CTNND1: variants seen among roughly 807,000 people sequenced by gnomAD.
CTNND1 encodes catenin delta-1.
Under a neutral mutation model 112.1 loss-of-function variants are expected in CTNND1, and 16 were observed. The observed-to-expected ratio is 0.14, with a 90% CI of 0.10 to 0.22. CTNND1 has a LOEUF of 0.22. Among genes scored for constraint, CTNND1 ranks in the 10% least tolerant of loss-of-function variants. The pLI is 1.00. For synonymous variants in CTNND1, 420 were observed against 446.5 expected (o/e 0.94, Z 0.75); for missense variants, 1,008 against 1,257.0 (o/e 0.80, Z 3.00).
chr11:57,766,413 G>A (rs1050932905), intron 1 of CTNND1, among the ~76,000 whole-genome samples: 3 of 152,216 alleles, frequency 2.0e-5, no homozygotes, highest in Non-Finnish European at 2.9e-5. Context: ...GTATTGGGAA[G>A]CTTATGAGTT....
At position 57,785,277 on chromosome 11, in the gene CTNND1, A is replaced by G. The variant is rs77276750; in HGVS notation, c.-213-3760A>G. 5.4e-3 allele frequency among the ~76,000 whole-genome samples: 821 copies of G among 152,248 alleles called. 10 individuals carry two copies. The highest frequency in any genetic ancestry group is 0.019 in the African/African-American group (786 of 41,552). On this transcript the variant is annotated intron_variant, in intron 1 of 20. Coordinates refer to ENST00000399050, the MANE Select transcript of CTNND1 (RefSeq NM_001085458.2). ...TGTGCGTCAAGACATTTTTCTAAGC[A>G]CTTTACATGAAATGCCTCATTTAAT...
intron 1 of CTNND1, among the ~76,000 whole-genome samples, chr11:57,782,455 T>C (rs1170723208): frequency 6.6e-6 from 1 of 152,212 alleles, no homozygotes; most frequent in African/African-American, 2.4e-5. Context: ...TGAGCCACAG[T>C]AGGCTCAGAG....
At chr11:57,811,324 G>A (rs2063331405) in intron 16 of CTNND1, 75 bp from the exon 17 acceptor site, 1 of 1,195,770 alleles carries the variant, frequency 8.4e-7, no homozygotes, top group African/African-American at 1.5e-5. Context: ...GAACCTAGAG[G>A]TTTATGCCCA....
At chr11:57,784,898 A>G (rs1158805485) in intron 1 of CTNND1, among the ~76,000 whole-genome samples, 1 of 152,206 alleles carries the variant, frequency 6.6e-6, no homozygotes, top group Non-Finnish European at 1.5e-5. Flanking sequence ...TATTTTTGCA[A>G]AAACCCAAAG....
At position 57,815,428 on chromosome 11, in the gene CTNND1, C is replaced by T. The variant is rs1166640069; in HGVS notation, c.2736C>T (p.Asp912=). ...ATTCCACACCAAATGAGAGAGGAGA[C>T]CACAATAGAACACTGGATCGATCGG... ...NNYSTPNERG[D]HNRTLDRSGD... Residue 912 remains aspartate, a synonymous_variant, in exon 19 of 21, where the codon GAC becomes GAT. Coordinates refer to ENST00000399050, the MANE Select transcript of CTNND1 (RefSeq NM_001085458.2). 3 of 1,610,242 alleles carry T rather than the reference C, an allele frequency of 1.9e-6. No homozygotes were observed. The highest frequency in any genetic ancestry group is 2.5e-6 in the Non-Finnish European group (3 of 1,178,622).
chr11:57,769,152 C>CAA (rs1265014936), intron 1 of CTNND1, among the ~76,000 whole-genome samples: 1 of 134,182 alleles, frequency 7.5e-6, no homozygotes, highest in African/African-American at 2.7e-5. Context: ...ACTAAAGATA[C>CAA]AAAAAAAAAA....
At chr11:57,771,986 A>G (rs1041809147) in intron 1 of CTNND1, among the ~76,000 whole-genome samples, 1 of 151,494 alleles carries the variant, frequency 6.6e-6, no homozygotes, top group African/African-American at 2.4e-5. Context: ...AGTGTTAACA[A>G]TCTCAGCTCA....
At chr11:57,773,783 A>T (rs923663605) in intron 1 of CTNND1, among the ~76,000 whole-genome samples, 11 of 151,866 alleles carry the variant, frequency 7.2e-5, no homozygotes, top group South Asian at 2.1e-4. Context: ...CTAAAAAAAA[A>T]ATATAAAAAT....
chr11:57,772,804 C>T (rs944566704), intron 1 of CTNND1, among the ~76,000 whole-genome samples: 12 of 152,072 alleles, frequency 7.9e-5, no homozygotes, highest in African/African-American at 9.7e-5. Context: ...TTCTCTCTCT[C>T]TCTCTCTGTC....
At position 57,814,325 on chromosome 11, in the gene CTNND1, C is replaced by T. The variant is rs369783710; in HGVS notation, c.2653C>T (p.Arg885Trp). 1.5e-5 allele frequency: 24 copies of T among 1,611,178 alleles called. No homozygotes were observed. Among genetic ancestry groups the T allele is most frequent in the Non-Finnish European group, 1.9e-5 (22 of 1,178,544 alleles). Residue 885 changes from arginine to tryptophan, a missense_variant, in exon 18 of 21, where the codon CGG becomes TGG. This residue lies in a region of CTNND1 where 106 missense variants were observed against 116.2 expected (regional missense o/e 0.91). Transcript: ENST00000399050. ...RNQKSDKKPD[R>W]EEIQMSNMGS... ...ACTTCATACAGATAAGAAACCTGAT[C>T]GGGAAGAAATTCAGATGAGCAATAT...
intron 1 of CTNND1, among the ~76,000 whole-genome samples, chr11:57,783,397 C>G (rs1591339485): frequency 6.6e-6 from 1 of 152,114 alleles, no homozygotes; most frequent in African/African-American, 2.4e-5. Context: ...GCCGGGCTCA[C>G]GCCTGTAATC....
At position 57,809,453 on chromosome 11, in the gene CTNND1, A is replaced by G; in HGVS notation, c.2422A>G (p.Ile808Val). Residue 808 changes from isoleucine (I) to valine (V), a missense_variant, in exon 15 of 21, where the codon ATC (isoleucine) becomes GTC (valine). Physicochemically the swap from Ile to Val is conservative, Grantham distance 29. Around this residue, in one of 5 missense-constraint regions of CTNND1, gnomAD observed 254 missense variants for 279.5 expected, o/e 0.91. Transcript: ENST00000399050. ...ACAGGGTATTGAGAAGCTGGTGTTG[A>G]TCAACAAATCAGGGTGAGCTTACCA... The part of the protein sequence containing the change: ...ETQGIEKLVL[I>V]NKSGNRSEKE... 1 of 1,611,390 alleles carries G rather than the reference A, an allele frequency of 6.2e-7. No individual in the cohort carries two copies. Among genetic ancestry groups the G allele is most frequent in the Non-Finnish European group, 8.5e-7 (1 of 1,178,568 alleles).
chr11:57,778,404 C>G (rs2059229548), intron 1 of CTNND1, among the ~76,000 whole-genome samples: 1 of 152,164 alleles, frequency 6.6e-6, no homozygotes. Flanking sequence ...TCACATGTAG[C>G]TGAGCTGAAT....
At position 57,791,587 on chromosome 11, in the gene CTNND1, G is replaced by A. The variant is rs1309972781; in HGVS notation, c.109G>A (p.Val37Ile). Residue 37 changes from valine (V) to isoleucine (I), a missense_variant, in exon 3 of 21, where the codon GTC becomes ATC. Physicochemically the swap from Val to Ile is conservative, Grantham distance 29 (BLOSUM62 3). Coordinates refer to ENST00000399050, the MANE Select transcript of CTNND1 (RefSeq NM_001085458.2). ...GGCGCTGGAGGAGGAACGGCGCCAC[G>A]TCTCGGCGCAGCTGGAACGCGTCCG... The part of the protein sequence containing the change: ...TRALEEERRH[V>I]SAQLERVRVS... 3.1e-6 allele frequency: 5 copies of A among 1,611,642 alleles called. No individual in the cohort carries two copies. Among genetic ancestry groups the A allele is most frequent in the South Asian group, 2.2e-5 (2 of 90,620 alleles).
At chr11:57,804,857 T>A in intron 9 of CTNND1, 77 bp downstream of exon 9, 1 of 1,030,504 alleles carries the variant, frequency 9.7e-7, no homozygotes, top group Non-Finnish European at 1.5e-6. Flanking sequence ...GTCAGAGACC[T>A]ATCATCTCAG....
At chr11:57,792,638 C>A (rs2060888483) in intron 3 of CTNND1, among the ~76,000 whole-genome samples, 7 of 152,188 alleles carry the variant, frequency 4.6e-5, no homozygotes, top group Admixed American at 4.6e-4. Flanking sequence ...TCAAGCAATT[C>A]TCCTGCCTCA....
chr11:57,768,933 GAACCCATGA>G (rs1042234905), intron 1 of CTNND1, among the ~76,000 whole-genome samples: 1 of 151,696 alleles, frequency 6.6e-6, no homozygotes, highest in Non-Finnish European at 1.5e-5. Context: ...TCATACTTAA[GAACCCATGA>G]AACTAGTGTT....
rs568269107 is a variant in CTNND1, at chr11:57,795,489, C to T, written c.268-88C>T. 199 of 1,427,580 alleles carry T rather than the reference C, an allele frequency of 1.4e-4. No homozygotes were observed. In the African/African-American group the frequency reaches 2.7e-3, roughly 20 times the overall value. 88.4% of individuals were successfully genotyped at this position (1,427,580 alleles called of 1,614,324 possible). On this transcript the variant is annotated intron_variant, in intron 4 of 20. Coordinates refer to ENST00000399050, the MANE Select transcript of CTNND1 (RefSeq NM_001085458.2). Reference sequence around the variant, plus strand: ...AAGATGCATGAGGAGTCCCTGTCTCCAGGTTTACCACTTATGCTTCTTATT... The same window carrying T: ...AAGATGCATGAGGAGTCCCTGTCTCTAGGTTTACCACTTATGCTTCTTATT...
Position 57,815,406 on chromosome 11 carries a change from C to A in CTNND1, c.2714C>A (p.Ser905Tyr), listed in dbSNP as rs200768776. 1,022 of 1,594,222 alleles carry A rather than the reference C, an allele frequency of 6.4e-4. No homozygotes were observed. The highest frequency in any genetic ancestry group is 7.9e-4 in the Non-Finnish European group (924 of 1,172,466). Residue 905 changes from serine (S) to tyrosine (Y), a missense_variant, in exon 19 of 21, where the codon TCC becomes TAC. This residue lies in a region of CTNND1 where 106 missense variants were observed against 116.2 expected (regional missense o/e 0.91). Coordinates refer to ENST00000399050, the MANE Select transcript of CTNND1 (RefSeq NM_001085458.2). ...SNTKSLDNNY[S>Y]TPNERGDHNR... is the part of the protein sequence containing the mutation. The stretch of plus-strand genomic sequence containing the variant: ...TTTTTTTAACCAGATAACAACTATT[C>A]CACACCAAATGAGAGAGGAGACCAC...
Sources: gnomAD v4.1 joint callset for allele counts (sites outside exome capture counted in the v4.1 genomes callset) on GRCh38, gnomAD v4.1.1 for gene constraint, gnomAD v4.1.1 regional missense constraint, MANE v1.5 for transcripts, NCBI Gene and HGNC (gene_info 2026-07-23, HGNC 2026-07-21) for gene names.